The following TTN variants were observed in gnomAD, a reference collection of about 807,000 sequenced individuals.
TTN encodes the protein connectin.
A neutral mutation model predicts 3,223.0 loss-of-function variants in TTN; 1,525 were observed. The observed-to-expected ratio is 0.47, with a 90% CI of 0.45 to 0.49. The LOEUF is 0.49. Among genes scored for constraint, TTN ranks in the 20% least tolerant of loss-of-function variants. The pLI, the probability that TTN is intolerant of heterozygous loss-of-function variation, is 0.00. For synonymous variants in TTN, 14,094 were observed against 15,161.0 expected (o/e 0.93, Z 5.17); for missense variants, 40,786 against 43,424.0 (o/e 0.94, Z 5.40).
rs368190086 is a variant in TTN at position 178,618,044 on chromosome 2, A to G, written c.47307T>C (p.Asp15769=). Residue 15769 remains aspartate (D), a synonymous_variant, in exon 253 of 363, where the codon GAT becomes GAC. Coordinates refer to ENST00000589042, the MANE Select transcript of TTN (RefSeq NM_001267550.2). The part of the protein sequence containing the change: ...PGPPLNVTIT[D]VNRFGVSLTW... ...TCAGTGAGACACCAAATCGATTCACATCAGTGATGGTTACATTCAAAGGAG... is the reference window on the plus strand; with the variant it reads ...TCAGTGAGACACCAAATCGATTCACGTCAGTGATGGTTACATTCAAAGGAG... 2 of 1,612,428 alleles carry G rather than the reference A, an allele frequency of 1.2e-6. No homozygotes were observed. The highest frequency in any genetic ancestry group is 1.7e-6 in the Non-Finnish European group (2 of 1,179,092).
intron 47 of TTN, chr2:178,750,433 G>C: frequency 6.2e-7 from 1 of 1,612,464 alleles, no homozygotes; most frequent in Non-Finnish European, 8.5e-7. Flanking sequence ...GAATGATAAA[G>C]TTTTGATTAC....
chr2:178,748,545 T>A, intron 47 of TTN: 1 of 1,613,072 alleles, frequency 6.2e-7, no homozygotes. Flanking sequence ...TACATTTGTT[T>A]TAGATCAAAT....
At chr2:178,801,622 C>T (rs987034386) in intron 3 of TTN, among the ~76,000 whole-genome samples, 5 of 151,696 alleles carry the variant, frequency 3.3e-5, no homozygotes, top group African/African-American at 9.7e-5. Context: ...ACAGAGGCCA[C>T]TAAGATTGGT....
In TTN at chr2:178,664,056, G is replaced by A. The variant is rs777419475; in HGVS notation, c.36323C>T (p.Ser12108Leu). 4 of 1,613,032 alleles carry A rather than the reference G, an allele frequency of 2.5e-6. No homozygotes were observed. The highest frequency in any genetic ancestry group is 1.3e-5 in the African/African-American group (1 of 74,930). The change falls in exon 169 of 363, where the codon TCG becomes TTG. Residue 12108 changes from serine (S) to leucine (L), a missense_variant. Physicochemically the swap from Ser to Leu is moderately radical, Grantham distance 145. Transcript: ENST00000589042. ...PKEIIPEKKV[S>L]VVPPKKPEVP... Reference sequence around the variant, plus strand: ...TTCAGGCTTTTTAGGAGGCACCACCGACACTTTCTTTTCAGGGATAATCTC... The same window carrying A: ...TTCAGGCTTTTTAGGAGGCACCACCAACACTTTCTTTTCAGGGATAATCTC...
chr2:178,547,200 C>G lies in TTN; in HGVS notation c.94325G>C (p.Gly31442Ala). ...PYHDGGSKII[G>A]YWVEKKERNT... ...ACGTTCTTTCTTCTCAACCCAGTAG[C>G]CAATGATTTTACTGCCACCATCGTG... is the stretch of plus-strand genomic sequence containing the variant. The change falls in exon 340 of 363, where the codon GGC (glycine) becomes GCC (alanine). Residue 31442 changes from glycine (G) to alanine (A), a missense_variant. Coordinates refer to ENST00000589042, the MANE Select transcript of TTN (RefSeq NM_001267550.2). The G allele has an allele frequency of 1.2e-6, 2 of 1,613,814 alleles. No individual in the cohort carries two copies. Among genetic ancestry groups the G allele is most frequent in the Non-Finnish European group, 8.5e-7 (1 of 1,179,764 alleles).
In TTN at chr2:178,757,643, A is replaced by G. The variant is rs727503677; in HGVS notation, c.10577T>C (p.Ile3526Thr). 4 of 1,613,828 alleles carry G rather than the reference A, an allele frequency of 2.5e-6. No homozygotes were observed. Among genetic ancestry groups the G allele is most frequent in the Non-Finnish European group, 3.4e-6 (4 of 1,179,744 alleles). Residue 3526 changes from isoleucine (I) to threonine (T), a missense_variant, in exon 45 of 363, where the codon ATA becomes ACA. Ile to Thr is a moderately conservative substitution (Grantham distance 89). Coordinates refer to ENST00000589042, the MANE Select transcript of TTN (RefSeq NM_001267550.2). ...AGCATGCTCTGAGTAAGCATCAACTATAAGCATTAAAGCCATGCCTGTGGA... is the reference window on the plus strand; with the variant it reads ...AGCATGCTCTGAGTAAGCATCAACTGTAAGCATTAAAGCCATGCCTGTGGA... ...EESTGMALML[I>T]VDAYSEHAGQ...
rs781058398 is a variant in TTN, at chr2:178,570,164, A to C, written c.75968T>G (p.Val25323Gly). 1 of 1,613,446 alleles carries C rather than the reference A, an allele frequency of 6.2e-7. No homozygotes were observed. The highest frequency in any genetic ancestry group is 8.5e-7 in the Non-Finnish European group (1 of 1,179,622). ...VTTVTKDSMI[V>G]VWERPASDGG... ...ATCAGATGCTGGTCTTTCCCATACA[A>C]CAATCATTGAGTCCTTGGTCACTGT... The change falls in exon 326 of 363, where the codon GTT becomes GGT. Residue 25323 changes from valine (V) to glycine (G), a missense_variant. Coordinates refer to ENST00000589042, the MANE Select transcript of TTN (RefSeq NM_001267550.2).
chr2:178,668,004 T>A (rs2066281019), intron 159 of TTN, among the ~76,000 whole-genome samples: 1 of 152,286 alleles, frequency 6.6e-6, no homozygotes, highest in South Asian at 2.1e-4. Flanking sequence ...ATTGGTAAAA[T>A]TGTCCTATTG....
At chr2:178,688,947 T>C (rs2071586571) in intron 125 of TTN, 106 bp downstream of exon 125, 3 of 1,244,974 alleles carry the variant, frequency 2.4e-6, no homozygotes, top group Non-Finnish European at 3.4e-6. Flanking sequence ...AGTGAGACAA[T>C]GGATCAGTAT....
At position 178,611,747 on chromosome 2, in the gene TTN, G is replaced by A. The variant is rs1169808515; in HGVS notation, c.50551+11C>T. ...CTAGACAATATCTTGTGTATAATCA[G>A]CACTACTTACTTGTTGGATCTTCAA... On this transcript the variant is annotated intron_variant, in intron 268 of 362. Coordinates refer to ENST00000589042, the MANE Select transcript of TTN (RefSeq NM_001267550.2). 1.1e-5 allele frequency: 18 copies of A among 1,611,498 alleles called. No individual in the cohort carries two copies. The highest frequency in any genetic ancestry group is 1.5e-5 in the Non-Finnish European group (18 of 1,178,776).
intron 219 of TTN, among the ~76,000 whole-genome samples, chr2:178,641,811 A>T (rs1306717314): frequency 6.6e-6 from 1 of 151,858 alleles, no homozygotes; most frequent in Non-Finnish European, 1.5e-5. Context: ...AGAAATGTTC[A>T]GTTTTTTAAA....
At position 178,576,998 on chromosome 2, in the gene TTN, G is replaced by A. The variant is rs749409444; in HGVS notation, c.69337C>T (p.Arg23113Trp). 1.3e-5 allele frequency: 21 copies of A among 1,613,246 alleles called. No homozygotes were observed. In the Admixed American group the frequency reaches 2.3e-4, roughly 18 times the overall value. ...CCATAGTGGTTTACAGCTGAGACCC[G>A]GAAGATGTACTCATTTCCTTGGATA... Reference protein sequence around the residue: ...KLIQGNEYIFRVSAVNHYGKG... With the variant: ...KLIQGNEYIFWVSAVNHYGKG... The change falls in exon 324 of 363, where the codon CGG becomes TGG. Residue 23113 changes from arginine to tryptophan, a missense_variant. Transcript: ENST00000589042. This position sits in a 1 kb window ranked among gnomAD's most constrained non-coding sequence, Gnocchi z 4.3.
At chr2:178,761,546 G>A (rs940818144) in intron 43 of TTN, among the ~76,000 whole-genome samples, 1 of 152,158 alleles carries the variant, frequency 6.6e-6, no homozygotes, top group Non-Finnish European at 1.5e-5. Flanking sequence ...ATCATAGGAT[G>A]CCACTGTGTT....
At position 178,551,176 on chromosome 2, in the gene TTN, C is replaced by T; in HGVS notation, c.91355G>A (p.Ser30452Asn). 6.2e-7 allele frequency: 1 copy of T among 1,613,600 alleles called. No homozygotes were observed. Among genetic ancestry groups the T allele is most frequent in the East Asian group, 2.2e-5 (1 of 44,834 alleles). ...CTCAATGCTATAGCCCACAATCTTA[C>T]TGCCTCCATCACGCAATGGTGGGTT... Reference protein sequence around the residue: ...KWNPPLRDGGSKIVGYSIEKR... With the variant: ...KWNPPLRDGGNKIVGYSIEKR... The change falls in exon 336 of 363, where the codon AGT becomes AAT. Residue 30452 changes from serine to asparagine, a missense_variant. Coordinates refer to ENST00000589042, the MANE Select transcript of TTN (RefSeq NM_001267550.2).
intron 92 of TTN, 120 bp from the exon 93 acceptor site, chr2:178,713,492 C>G: frequency 1.4e-6 from 2 of 1,396,292 alleles, no homozygotes; most frequent in Middle Eastern, 2.6e-4. Context: ...CCATTTGGCT[C>G]TTTTGTGACG....
Position 178,579,798 on chromosome 2 carries a change from A to G in TTN, c.67399T>C (p.Ser22467Pro), listed in dbSNP as rs1470231213. Reference sequence around the variant, plus strand: ...GGCTTTTTCCAGCCAATGCTACAGGATGACTTAGATACAGACCTCACTTTC... The same window carrying G: ...GGCTTTTTCCAGCCAATGCTACAGGGTGACTTAGATACAGACCTCACTTTC... ...DLKVRSVSKS[S>P]CSIGWKKPHS... is the part of the protein sequence containing the mutation. The change falls in exon 319 of 363, where the codon TCC becomes CCC. Residue 22467 changes from serine (S) to proline (P), a missense_variant. Physicochemically the swap from Ser to Pro is moderately conservative, Grantham distance 74. Transcript: ENST00000589042. 6.2e-7 allele frequency: 1 copy of G among 1,613,344 alleles called. No individual in the cohort carries two copies. The highest frequency in any genetic ancestry group is 8.5e-7 in the Non-Finnish European group (1 of 1,179,504).
Position 178,738,235 on chromosome 2 carries a change from T to C in TTN, c.14218A>G (p.Ile4740Val), listed in dbSNP as rs1381364366. The change falls in exon 49 of 363, where the codon ATT becomes GTT. Residue 4740 changes from isoleucine to valine, a missense_variant. Transcript: ENST00000589042. ...ATAGAACACTTGTCACTCTCATAAA[T>C]TTCTCGGCCAGCTTTAAACCACTGG... ...RFQWFKAGRE[I>V]YESDKCSIRS... is the part of the protein sequence containing the mutation. The C allele has an allele frequency of 6.2e-7, 1 of 1,613,638 alleles. No homozygotes were observed. The highest frequency in any genetic ancestry group is 1.7e-5 in the Admixed American group (1 of 59,986).
Position 178,789,588 on chromosome 2 carries a change from A to ATGGT in TTN, c.1939-95_1939-92dup. 17 of 1,529,114 alleles carry ATGGT rather than the reference A, an allele frequency of 1.1e-5. 2 individuals are homozygous for ATGGT. The South Asian group carries it at 1.9e-4, about 17-fold the overall frequency. 94.7% of individuals were successfully genotyped at this position (1,529,114 alleles called of 1,614,324 possible). The stretch of plus-strand genomic sequence containing the variant: ...TCCCCCTTCCTCATGGGGATGCAAG[A>ATGGT]TGGTTATTCAGGGTTAAATACACAA... On this transcript the variant is annotated intron_variant, in intron 12 of 362. Coordinates refer to ENST00000589042, the MANE Select transcript of TTN (RefSeq NM_001267550.2).
At chr2:178,691,969 G>T in intron 121 of TTN, 47 bp downstream of exon 121, 1 of 1,524,834 alleles carries the variant, frequency 6.6e-7, no homozygotes. Flanking sequence ...AAAGCAAAAG[G>T]CTGGCACTTG....
Sources: gnomAD v4.1 joint callset for allele counts (sites outside exome capture counted in the v4.1 genomes callset) on GRCh38, gnomAD v4.1.1 for gene constraint, Gnocchi (gnomAD v3.1) non-coding constraint, MANE v1.5 for transcripts, NCBI Gene and HGNC (gene_info 2026-07-23, HGNC 2026-07-21) for gene names.